LRRK1: variants seen among roughly 807,000 people sequenced by gnomAD.
The protein encoded by LRRK1 is leucine rich repeat kinase 1.
A neutral mutation model predicts 209.1 loss-of-function variants in LRRK1; 113 were observed. The ratio of observed to expected loss-of-function variants is 0.54; its 90% confidence interval spans 0.46 to 0.63. The LOEUF is 0.63. Ranked by LOEUF, LRRK1 falls within the 30% of genes least tolerant of loss-of-function variation. The probability of loss-of-function intolerance (pLI) is 0.00; values close to 1 mark genes in which losing one functional copy is unlikely to be tolerated. For missense variants in LRRK1, 2,284 were observed against 2,632.2 expected, an observed-to-expected ratio of 0.87 and a Z score of 2.89; for synonymous variants, 1,144 against 1,099.7, an observed-to-expected ratio of 1.04 and a Z score of -0.80.
chr15:100,989,264 G>A lies in LRRK1; in HGVS notation c.628G>A (p.Ala210Thr). The A allele has an allele frequency of 6.2e-7, 1 of 1,614,108 alleles. No individual in the cohort carries two copies. Residue 210 changes from alanine to threonine, a missense_variant, in exon 6 of 34, where the codon GCA (alanine) becomes ACA (threonine). This residue lies in a region of LRRK1 where 134 missense variants were observed against 191.7 expected (regional missense o/e 0.70). Coordinates refer to ENST00000388948, the MANE Select transcript of LRRK1 (RefSeq NM_024652.6). ...AAIKSGNEDIAIFLLRHGAYF... is the reference protein window; with the variant it reads ...AAIKSGNEDITIFLLRHGAYF... ...TGTTCCTTTAGGGAATGAAGACATT[G>A]CAATATTCCTGCTTCGGCATGGGGC...
chr15:101,064,079 C>A (rs546787608), intron 31 of LRRK1, among the ~76,000 whole-genome samples: 1 of 152,256 alleles, frequency 6.6e-6, no homozygotes, highest in Admixed American at 6.5e-5. Flanking sequence ...CATTCTTGCA[C>A]GCGCACCCAC....
chr15:101,028,877 T>C (rs1383857714), intron 19 of LRRK1, 79 bp from the exon 20 acceptor site: 1 of 1,467,946 alleles, frequency 6.8e-7, no homozygotes, highest in Non-Finnish European at 9.3e-7. Flanking sequence ...ACCTGGGTCC[T>C]CTTGGAAAGA....
Position 100,973,958 on chromosome 15 carries a change from G to C in LRRK1, c.252G>C (p.Gln84His). ...LEEACDQCAS[Q>H]LEKGQLLSIP... is the part of the protein sequence containing the mutation. ...AGGCCTGCGACCAGTGCGCGTCCCA[G>C]CTGGAAAAGGTAGGGGAGCGCCTGC... Residue 84 changes from glutamine (Q) to histidine (H), a missense_variant, in exon 3 of 34, where the codon CAG becomes CAC. This residue lies in a region of LRRK1 where 174 missense variants were observed against 133.5 expected (regional missense o/e 1.30). Coordinates refer to ENST00000388948, the MANE Select transcript of LRRK1 (RefSeq NM_024652.6). 1 of 1,250,270 alleles carries C rather than the reference G, an allele frequency of 8.0e-7. No individual in the cohort carries two copies. The highest frequency in any genetic ancestry group is 1.0e-6 in the Non-Finnish European group (1 of 991,582). The allele number at this position is 1,250,270 out of a possible 1,614,324, so 77.4% of individuals were successfully genotyped here.
At chr15:101,047,727 A>T (rs2035165171) in intron 21 of LRRK1, among the ~76,000 whole-genome samples, 1 of 152,212 alleles carries the variant, frequency 6.6e-6, no homozygotes, top group South Asian at 2.1e-4. Flanking sequence ...ACTGGTAGTC[A>T]GCGCACAGGA....
chr15:101,014,987 G>T (rs1327264599), intron 11 of LRRK1, among the ~76,000 whole-genome samples: 1 of 152,214 alleles, frequency 6.6e-6, no homozygotes, highest in Non-Finnish European at 1.5e-5. Context: ...AACTGAAATG[G>T]ACGTGGAATT....
In LRRK1 at chr15:101,075,824, A is replaced by G. The variant is rs547269837; in HGVS notation, c.*6976A>G. The G allele has an allele frequency of 2.0e-5, 3 of 152,176 alleles. No individual in the cohort carries two copies. In the East Asian group the frequency reaches 5.8e-4, roughly 29 times the overall value. The allele number at this position is 152,176 out of a possible 1,614,324, so 9.4% of individuals were successfully genotyped here. On this transcript the variant is annotated 3_prime_UTR_variant, in exon 34 of 34. Transcript: ENST00000388948. ...TCTTTACTATTCCTTTGCACCCTTC[A>G]TCCCAGCCTCTCTTCACTTTCACTT...
At chr15:101,036,868 G>A (rs1461858489) in intron 20 of LRRK1, among the ~76,000 whole-genome samples, 1 of 152,180 alleles carries the variant, frequency 6.6e-6, no homozygotes, top group Non-Finnish European at 1.5e-5. Context: ...TATTTCTTTG[G>A]CTATAAACAA....
At chr15:101,052,887 G>C in intron 24 of LRRK1, 35 bp from the exon 25 acceptor site, 1 of 1,594,748 alleles carries the variant, frequency 6.3e-7, no homozygotes, top group Non-Finnish European at 8.6e-7. Flanking sequence ...CATCAGGGCG[G>C]GGGGGATGTG....
chr15:101,059,162 G>A (rs2036003443), intron 29 of LRRK1, among the ~76,000 whole-genome samples: 1 of 152,194 alleles, frequency 6.6e-6, no homozygotes, highest in Non-Finnish European at 1.5e-5. Context: ...GGCTGAGGCA[G>A]GTGGATCTTT....
intron 20 of LRRK1, among the ~76,000 whole-genome samples, chr15:101,044,780 G>A (rs1336397528): frequency 6.6e-6 from 1 of 152,214 alleles, no homozygotes; most frequent in African/African-American, 2.4e-5. Context: ...AGAGACCCAG[G>A]ATGCATGAGA....
Position 101,021,057 on chromosome 15 carries a change from T to C in LRRK1, c.1614T>C (p.Ser538=). 1.2e-6 allele frequency: 2 copies of C among 1,614,138 alleles called. No individual in the cohort carries two copies. The highest frequency in any genetic ancestry group is 1.7e-6 in the Non-Finnish European group (2 of 1,179,994). Residue 538 remains serine (S), a synonymous_variant, in exon 13 of 34, where the codon AGT becomes AGC. Transcript: ENST00000388948. ...TGCTTTGCCATGTCTTTGCAGCAAG[T>C]GTGCTGGAATTTCCGGCCTTCCTAA... ...GRQRSGTEAA[S]VLEFPAFLSE... is the part of the protein sequence containing the mutation.
Position 101,071,689 on chromosome 15 carries a change from C to T in LRRK1, c.*2841C>T, listed in dbSNP as rs1173637353. The stretch of plus-strand genomic sequence containing the variant: ...ACAGGTGTGAGCTACCTGCGCTGGC[C>T]GAATCTCTGCTTTTAGGAGCTCACT... On this transcript the variant is annotated 3_prime_UTR_variant, in exon 34 of 34. Transcript: ENST00000388948. The T allele has an allele frequency of 2.0e-5, 3 of 152,142 alleles. No individual in the cohort carries two copies. The highest frequency in any genetic ancestry group is 6.5e-5 in the Admixed American group (1 of 15,268). The allele number at this position is 152,142 out of a possible 1,614,324, so 9.4% of individuals were successfully genotyped here.
chr15:100,994,077 T>C (rs1395144257), intron 6 of LRRK1, among the ~76,000 whole-genome samples: 1 of 152,236 alleles, frequency 6.6e-6, no homozygotes, highest in Non-Finnish European at 1.5e-5. Context: ...CTTACATCTA[T>C]GTAGTGCTTG....
At chr15:100,972,471 G>A (rs1252374325) in intron 2 of LRRK1, among the ~76,000 whole-genome samples, 1 of 151,570 alleles carries the variant, frequency 6.6e-6, no homozygotes, top group Non-Finnish European at 1.5e-5. Context: ...TGTTATGTGT[G>A]TTTTTCAAGA....
rs2042594510 is a variant in LRRK1 at position 100,948,986 on chromosome 15, AC to A, written c.97+24259del. ...AGAAACTAGAAAAAGAATAGACTAA[AC>A]CGAAAGCAAGTAGAAGGAAGGAAAT... On this transcript the variant is annotated intron_variant, in intron 2 of 33. Coordinates refer to ENST00000388948, the MANE Select transcript of LRRK1 (RefSeq NM_024652.6). Among the ~76,000 whole-genome samples, 7 of 152,244 alleles carry A rather than the reference AC, an allele frequency of 4.6e-5. No individual in the cohort carries two copies. In the South Asian group the frequency reaches 1.5e-3, roughly 32 times the overall value.
intron 1 of LRRK1, among the ~76,000 whole-genome samples, chr15:100,923,119 G>A (rs1220898807): frequency 6.6e-6 from 1 of 152,198 alleles, no homozygotes; most frequent in Non-Finnish European, 1.5e-5. Context: ...CTCCAAGTCT[G>A]TGCGCTGGTA....
At chr15:101,015,590 G>A (rs1482133739) in intron 12 of LRRK1, among the ~76,000 whole-genome samples, 188 bp downstream of exon 12, 1 of 152,224 alleles carries the variant, frequency 6.6e-6, no homozygotes, top group Admixed American at 6.5e-5. Flanking sequence ...TGTCCCACGT[G>A]TGACACGCAA....
At chr15:101,031,648 G>GT (rs1369262378) in intron 20 of LRRK1, among the ~76,000 whole-genome samples, 2 of 152,078 alleles carry the variant, frequency 1.3e-5, no homozygotes, top group East Asian at 3.8e-4. Flanking sequence ...ATAATAGAGT[G>GT]TAAGTTTAAT....
At chr15:101,063,127 C>T (rs887503245) in intron 31 of LRRK1, among the ~76,000 whole-genome samples, 1 of 152,198 alleles carries the variant, frequency 6.6e-6, no homozygotes, top group African/African-American at 2.4e-5. Flanking sequence ...GCCAAGTACT[C>T]GCCGTCTTAC....
Sources: allele counts gnomAD v4.1 joint callset (sites outside exome capture counted in the v4.1 genomes callset), GRCh38; gene constraint gnomAD v4.1.1; regional missense constraint gnomAD v4.1.1; transcripts MANE v1.5; gene names NCBI Gene and HGNC (gene_info 2026-07-23, HGNC 2026-07-21).